SLC35D4: variants seen among roughly 807,000 people sequenced by gnomAD.
SLC35D4 encodes solute carrier family 35 member D4, also known as UDP-N-acetylglucosamine transporter SLC35D4.
At chr18:23,370,685 T>G in the SLC35D4 span, among the ~76,000 whole-genome samples, 1 of 152,348 alleles carries the variant, frequency 6.6e-6, no homozygotes, top group Admixed American at 6.5e-5. Context: ...GAATATGTGA[T>G]TTGTAATAAA....
At chr18:23,358,089 A>G in the SLC35D4 span, among the ~76,000 whole-genome samples, 2 of 152,224 alleles carry the variant, frequency 1.3e-5, no homozygotes, top group Non-Finnish European at 2.9e-5. Flanking sequence ...GAGAGTGGCC[A>G]GAGCCCTCCA....
At chr18:23,417,583 T>C in the SLC35D4 span, among the ~76,000 whole-genome samples, 1 of 152,142 alleles carries the variant, frequency 6.6e-6, no homozygotes, top group African/African-American at 2.4e-5. Flanking sequence ...ATGAAAAAGT[T>C]CTGGGCAAAA....
chr18:23,340,647 G>GA, the SLC35D4 span, among the ~76,000 whole-genome samples: 1 of 152,146 alleles, frequency 6.6e-6, no homozygotes, highest in Non-Finnish European at 1.5e-5. Flanking sequence ...CAGGGCCATA[G>GA]AAAAAAACAG....
the SLC35D4 span, among the ~76,000 whole-genome samples, chr18:23,362,597 T>TCAAA: frequency 6.4e-4 from 97 of 152,032 alleles, 1 homozygote; most frequent in African/African-American, 2.2e-3. Flanking sequence ...AGACTCTGTC[T>TCAAA]CAAACAAACA....
chr18:23,408,180 C>A, the SLC35D4 span, among the ~76,000 whole-genome samples: 2 of 147,668 alleles, frequency 1.4e-5, no homozygotes, highest in Non-Finnish European at 3.0e-5. Context: ...CACACACACA[C>A]CCCTAACCTC....
At chr18:23,421,322 A>G in the SLC35D4 span, 2 of 1,490,204 alleles carry the variant, frequency 1.3e-6, no homozygotes, top group Non-Finnish European at 1.9e-6. Context: ...ATCAAAAGCA[A>G]GCAGAGTGTG....
the SLC35D4 span, chr18:23,258,278 A>ATGTT: frequency 1.3e-5 from 2 of 152,754 alleles, no homozygotes; most frequent in East Asian, 3.9e-4. Context: ...CCTGTCCTCT[A>ATGTT]TGTTAGAGTG....
the SLC35D4 span, among the ~76,000 whole-genome samples, chr18:23,345,284 C>A: frequency 5.3e-4 from 80 of 151,960 alleles, no homozygotes; most frequent in East Asian, 0.012. Context: ...GAGTTCAAGA[C>A]CAGTCTGACC....
chr18:23,341,848 C>T, the SLC35D4 span, among the ~76,000 whole-genome samples: 2 of 151,960 alleles, frequency 1.3e-5, no homozygotes, highest in East Asian at 3.9e-4. Flanking sequence ...ACCACAGCAG[C>T]CAATTAAAAA....
the SLC35D4 span, among the ~76,000 whole-genome samples, chr18:23,286,513 T>C: frequency 2.6e-5 from 4 of 152,076 alleles, no homozygotes; most frequent in Non-Finnish European, 5.9e-5. Context: ...TCTTCTCAGC[T>C]TAGCGGCTGA....
chr18:23,253,825 C>T, the SLC35D4 span: 7 of 1,614,106 alleles, frequency 4.3e-6, no homozygotes, highest in Non-Finnish European at 4.2e-6. Context: ...AGCTCGCCCT[C>T]AAGGGGAAAC....
the SLC35D4 span, among the ~76,000 whole-genome samples, chr18:23,300,798 G>T: frequency 6.6e-6 from 1 of 152,232 alleles, no homozygotes; most frequent in Non-Finnish European, 1.5e-5. Context: ...ACATCAGATT[G>T]CAGGGCACAC....
At chr18:23,243,374 C>A in the SLC35D4 span, among the ~76,000 whole-genome samples, 1 of 151,880 alleles carries the variant, frequency 6.6e-6, no homozygotes, top group Admixed American at 6.6e-5. Context: ...TGAGGAGCAT[C>A]CTGCCAGCTT....
At chr18:23,437,268 T>A in the SLC35D4 span, among the ~76,000 whole-genome samples, 1 of 152,282 alleles carries the variant, frequency 6.6e-6, no homozygotes, top group East Asian at 1.9e-4. Flanking sequence ...AAATAATAAT[T>A]CCATGAAAAA....
the SLC35D4 span, among the ~76,000 whole-genome samples, chr18:23,275,146 G>A: frequency 6.6e-6 from 1 of 151,214 alleles, no homozygotes; most frequent in East Asian, 2.0e-4. Context: ...GTGCTTGTGC[G>A]TGTGTGTGTG....
At chr18:23,306,818 T>C in the SLC35D4 span, among the ~76,000 whole-genome samples, 1 of 152,238 alleles carries the variant, frequency 6.6e-6, no homozygotes, top group Non-Finnish European at 1.5e-5. Context: ...AAAGTGGTCC[T>C]AGGCTTCTTT....
At chr18:23,373,750 G>A in the SLC35D4 span, 1 of 1,612,046 alleles carries the variant, frequency 6.2e-7, no homozygotes, top group African/African-American at 1.3e-5. Flanking sequence ...GCTGCGGCCA[G>A]GAGGAGGAGG....
the SLC35D4 span, among the ~76,000 whole-genome samples, chr18:23,430,051 C>T: frequency 6.6e-6 from 1 of 152,074 alleles, no homozygotes; most frequent in African/African-American, 2.4e-5. Context: ...GTTGCATTTG[C>T]TTTTGAGGAC....
chr18:23,408,669 T>G, the SLC35D4 span, among the ~76,000 whole-genome samples: 1 of 152,136 alleles, frequency 6.6e-6, no homozygotes. Flanking sequence ...CAATAAACAT[T>G]TATTAACCAT....
Sources: allele counts gnomAD v4.1 joint callset (sites outside exome capture counted in the v4.1 genomes callset), GRCh38; gene constraint gnomAD v4.1.1; transcripts MANE v1.5; gene names NCBI Gene and HGNC (gene_info 2026-07-23, HGNC 2026-07-21).